OSTN: variants seen among roughly 807,000 people sequenced by gnomAD.
OSTN encodes osteocrin.
OSTN carries 9 observed loss-of-function variants against 12.0 expected under a neutral mutation model. The observed-to-expected ratio is 0.75, with a 90% CI of 0.45 to 1.30. OSTN has a LOEUF of 1.30. OSTN is among the 50% of genes most tolerant of loss of function. The pLI is 0.00. For synonymous variants in OSTN, 59 were observed against 56.9 expected (o/e 1.04, Z -0.16); for missense variants, 148 against 152.3 (o/e 0.97, Z 0.15).
intron 3 of OSTN, among the ~76,000 whole-genome samples, chr3:191,227,194 A>G (rs1284567400): frequency 6.6e-6 from 1 of 152,228 alleles, no homozygotes; most frequent in Non-Finnish European, 1.5e-5. Context: ...ACAGTAGTCA[A>G]TTCATGAAAA....
intron 4 of OSTN, among the ~76,000 whole-genome samples, chr3:191,255,646 A>G (rs1388856392): frequency 1.3e-5 from 2 of 152,192 alleles, no homozygotes; most frequent in Non-Finnish European, 2.9e-5. Flanking sequence ...AGAAAGAAAT[A>G]TGCTTCAAAT....
intron 4 of OSTN, among the ~76,000 whole-genome samples, chr3:191,255,920 T>C (rs1715660755): frequency 6.6e-6 from 1 of 152,100 alleles, no homozygotes; most frequent in Non-Finnish European, 1.5e-5. Context: ...AATCAAATTG[T>C]ATAATCTCCA....
intron 3 of OSTN, among the ~76,000 whole-genome samples, chr3:191,245,288 A>C (rs1372252377): frequency 6.6e-6 from 1 of 152,244 alleles, no homozygotes; most frequent in East Asian, 1.9e-4. Flanking sequence ...ATAACAACAC[A>C]TAACACATGG....
At chr3:191,258,255 G>A (rs1162788184) in intron 4 of OSTN, among the ~76,000 whole-genome samples, 1 of 152,192 alleles carries the variant, frequency 6.6e-6, no homozygotes, top group Non-Finnish European at 1.5e-5. Context: ...TAGATAGGTA[G>A]CTTTTAATTC....
In OSTN at chr3:191,212,541, C is replaced by G; in HGVS notation, c.9C>G (p.Asp3Glu). 6.3e-7 allele frequency: 1 copy of G among 1,583,676 alleles called. No individual in the cohort carries two copies. The highest frequency in any genetic ancestry group is 8.6e-7 in the Non-Finnish European group (1 of 1,160,432). The change falls in exon 2 of 5, where the codon GAC becomes GAG. Residue 3 changes from aspartate to glutamate, a missense_variant. Coordinates refer to ENST00000682035, the MANE Select transcript of OSTN (RefSeq NM_198184.2). Reference protein sequence around the residue: MLDWRLASAHFIL... With the variant: MLEWRLASAHFIL... Reference sequence around the variant, plus strand: ...ACATATGTAACCCTTAGATGCTGGACTGGAGATTGGCAAGTGCACATTTCA... The same window carrying G: ...ACATATGTAACCCTTAGATGCTGGAGTGGAGATTGGCAAGTGCACATTTCA...
chr3:191,219,824 A>C (rs754130649), intron 3 of OSTN, among the ~76,000 whole-genome samples: 31 of 152,296 alleles, frequency 2.0e-4, no homozygotes, highest in Non-Finnish European at 3.8e-4. Flanking sequence ...ATATCTCCAG[A>C]ATATCACTCT....
At chr3:191,208,150 A>G (rs1714325930) in intron 1 of OSTN, among the ~76,000 whole-genome samples, 1 of 152,240 alleles carries the variant, frequency 6.6e-6, no homozygotes, top group Admixed American at 6.5e-5. Flanking sequence ...GTGCTAAAAA[A>G]AAATGCAAAC....
At chr3:191,262,765 T>C in intron 4 of OSTN, 101 bp from the exon 5 acceptor site, 3 of 650,400 alleles carry the variant, frequency 4.6e-6, no homozygotes, top group Non-Finnish European at 5.6e-6. Flanking sequence ...TGAAACAGCA[T>C]GTAATTAAAG....
In OSTN at chr3:191,264,225, A is replaced by G. The variant is rs1715871088; in HGVS notation, c.*1372A>G. 1 of 152,094 alleles carries G rather than the reference A, an allele frequency of 6.6e-6. No individual in the cohort carries two copies. The highest frequency in any genetic ancestry group is 6.5e-5 in the Admixed American group (1 of 15,282). The allele number at this position is 152,094 out of a possible 1,614,324, so 9.4% of individuals were successfully genotyped here. A position where few individuals can be genotyped will look rare whatever the true frequency, so the allele number is the denominator to read the frequency against. On this transcript the variant is annotated 3_prime_UTR_variant, in exon 5 of 5. Coordinates refer to ENST00000682035, the MANE Select transcript of OSTN (RefSeq NM_198184.2). Reference sequence around the variant, plus strand: ...GGACTTGTATGATCCAAAGAATAAAATAAACTCAAAGAAACATAACAAAAA... The same window carrying G: ...GGACTTGTATGATCCAAAGAATAAAGTAAACTCAAAGAAACATAACAAAAA...
Position 191,218,950 on chromosome 3 carries a change from A to T in OSTN, c.306A>T (p.Lys102Asn). The change falls in exon 3 of 5, where the codon AAA (lysine) becomes AAT (asparagine). Residue 102 changes from lysine (K) to asparagine (N), a missense_variant. Lys to Asn is a moderately conservative substitution (Grantham distance 94). Transcript: ENST00000682035. ...TCTCAGCTGGCTCTGTAGATCACAA[A>T]GGTAAACAGAGGTAAGTGAACTCAG... ...DRLSAGSVDH[K>N]GKQRKVVDHP... The T allele has an allele frequency of 6.2e-7, 1 of 1,610,854 alleles. No individual in the cohort carries two copies. The highest frequency in any genetic ancestry group is 2.2e-5 in the East Asian group (1 of 44,860).
chr3:191,229,173 G>A (rs1229559022), intron 3 of OSTN, among the ~76,000 whole-genome samples: 1 of 152,198 alleles, frequency 6.6e-6, no homozygotes, highest in African/African-American at 2.4e-5. Context: ...AAATTACAGC[G>A]TTTGAAGAGA....
In OSTN at chr3:191,264,059, G is replaced by T. The variant is rs796364090; in HGVS notation, c.*1206G>T. Reference sequence around the variant, plus strand: ...AACCCTAAAAATCACTGTCTGATACGTGGGAGGAAAAAAGTTTTGTCCAGT... The same window carrying T: ...AACCCTAAAAATCACTGTCTGATACTTGGGAGGAAAAAAGTTTTGTCCAGT... On this transcript the variant is annotated 3_prime_UTR_variant, in exon 5 of 5. Coordinates refer to ENST00000682035, the MANE Select transcript of OSTN (RefSeq NM_198184.2). The T allele has an allele frequency of 6.6e-6, 1 of 152,086 alleles. No individual in the cohort carries two copies. Among genetic ancestry groups the T allele is most frequent in the Admixed American group, 6.5e-5 (1 of 15,270 alleles). 9.4% of individuals were successfully genotyped at this position (152,086 alleles called of 1,614,324 possible). A position where few individuals can be genotyped will look rare whatever the true frequency, so the allele number is the denominator to read the frequency against.
At chr3:191,230,172 AT>A (rs1715016338) in intron 3 of OSTN, among the ~76,000 whole-genome samples, 2 of 152,244 alleles carry the variant, frequency 1.3e-5, no homozygotes, top group South Asian at 4.1e-4. Context: ...ATTATAACAC[AT>A]TTTGACACAC....
At chr3:191,246,539 A>C (rs1415521658) in intron 3 of OSTN, among the ~76,000 whole-genome samples, 1 of 151,160 alleles carries the variant, frequency 6.6e-6, no homozygotes, top group African/African-American at 2.4e-5. Context: ...CCAGGAGGCG[A>C]AGGTTGCAGA....
chr3:191,236,053 T>A (rs767131035), intron 3 of OSTN, among the ~76,000 whole-genome samples: 9 of 152,188 alleles, frequency 5.9e-5, no homozygotes, highest in Non-Finnish European at 1.2e-4. Context: ...CCCAAGAAAT[T>A]CTCCCTTCCT....
At chr3:191,252,803 T>G (rs1262504310) in intron 4 of OSTN, among the ~76,000 whole-genome samples, 1 of 152,236 alleles carries the variant, frequency 6.6e-6, no homozygotes, top group Non-Finnish European at 1.5e-5. Context: ...CAAAGTTACT[T>G]TTTATATTTT....
intron 1 of OSTN, among the ~76,000 whole-genome samples, chr3:191,199,843 T>C (rs1033504710): frequency 6.6e-5 from 10 of 152,096 alleles, no homozygotes; most frequent in Admixed American, 2.6e-4. Flanking sequence ...ATAGTTGGAG[T>C]AGACTTAGAG....
intron 4 of OSTN, among the ~76,000 whole-genome samples, chr3:191,253,878 A>AT (rs781686826): frequency 4.6e-5 from 7 of 152,230 alleles, no homozygotes; most frequent in Admixed American, 1.3e-4. Flanking sequence ...GGAGTAAAAT[A>AT]CTTTTTATTT....
intron 3 of OSTN, among the ~76,000 whole-genome samples, chr3:191,231,912 C>A (rs1213387693): frequency 6.6e-6 from 1 of 151,934 alleles, no homozygotes; most frequent in African/African-American, 2.4e-5. Flanking sequence ...CAAAGGTTAG[C>A]CACTGTTTAG....
Sources: allele counts gnomAD v4.1 joint callset (sites outside exome capture counted in the v4.1 genomes callset), GRCh38; gene constraint gnomAD v4.1.1; transcripts MANE v1.5; gene names NCBI Gene and HGNC (gene_info 2026-07-23, HGNC 2026-07-21).